Variants in CUL7 observed in about 807,000 individuals in gnomAD.
CUL7 encodes cullin 7.
A neutral mutation model predicts 177.7 loss-of-function variants in CUL7; 96 were observed. That is an observed-to-expected ratio of 0.54 (90% CI 0.46 to 0.64). The LOEUF is 0.64. Among genes scored for constraint, CUL7 ranks in the 30% least tolerant of loss-of-function variants. CUL7 has a pLI of 0.00. For missense variants in CUL7, 1,893 were observed against 2,187.9 expected (o/e 0.87, Z 2.69); for synonymous variants, 824 against 890.2 (o/e 0.93, Z 1.32).
In CUL7 at chr6:43,040,703, G is replaced by T; in HGVS notation, c.3850C>A (p.Leu1284Met). 1 of 1,614,174 alleles carries T rather than the reference G, an allele frequency of 6.2e-7. No individual in the cohort carries two copies. Among genetic ancestry groups the T allele is most frequent in the Non-Finnish European group, 8.5e-7 (1 of 1,180,050 alleles). The change falls in exon 21 of 26, where the codon CTG (leucine) becomes ATG (methionine). Residue 1284 changes from leucine to methionine, a missense_variant. Leu to Met is a conservative substitution (Grantham distance 15). Coordinates refer to ENST00000265348, the MANE Select transcript of CUL7 (RefSeq NM_014780.5). The surrounding 1 kb of genome is among the most constrained non-coding windows in gnomAD (Gnocchi z 4.2). ...ATCTGCTCCAGCACGGCCCCCTCCA[G>T]CCAGCTCGAGACCACGCCCAGGAGA... The part of the protein sequence containing the change: ...DRLLGVVSSW[L>M]EGAVLEQIGP...
In CUL7 at chr6:43,048,469, G is replaced by A. The variant is rs768119973; in HGVS notation, c.1926C>T (p.Leu642=). ...GKILLDLEQA[L]SSEGTQENKV... is the part of the protein sequence containing the mutation. The stretch of plus-strand genomic sequence containing the variant: ...TGTTCTCCTGGGTCCCCTCTGAGCT[G>A]AGGGCTTGCTCTAGATCCAGGAGGA... The change falls in exon 8 of 26, where the codon CTC becomes CTT. Residue 642 remains leucine (L), a synonymous_variant. Coordinates refer to ENST00000265348, the MANE Select transcript of CUL7 (RefSeq NM_014780.5). 8 of 1,614,018 alleles carry A rather than the reference G, an allele frequency of 5.0e-6. No homozygotes were observed. Among genetic ancestry groups the A allele is most frequent in the South Asian group, 1.1e-5 (1 of 91,080 alleles).
Position 43,043,761 on chromosome 6 carries a change from G to A in CUL7, c.3173-131C>T. 1 of 717,564 alleles carries A rather than the reference G, an allele frequency of 1.4e-6. No individual in the cohort carries two copies. Among genetic ancestry groups the A allele is most frequent in the Non-Finnish European group, 2.5e-6 (1 of 392,924 alleles). The allele number at this position is 717,564 out of a possible 1,614,324, so 44.4% of individuals were successfully genotyped here. On this transcript the variant is annotated intron_variant, in intron 16 of 25. Transcript: ENST00000265348. The surrounding 1 kb of genome is among the most constrained non-coding windows in gnomAD (Gnocchi z 4.2). ...CAAGGAAGGGGGGCCAGGTAGGGTGGTTTACGCCTGTAATCCCAGCACTTT... is the reference window on the plus strand; with the variant it reads ...CAAGGAAGGGGGGCCAGGTAGGGTGATTTACGCCTGTAATCCCAGCACTTT...
chr6:43,046,370 C>T lies in CUL7; in HGVS notation c.2526G>A (p.Glu842=). The T allele has an allele frequency of 6.2e-7, 1 of 1,614,230 alleles. No homozygotes were observed. Among genetic ancestry groups the T allele is most frequent in the Non-Finnish European group, 8.5e-7 (1 of 1,180,034 alleles). ...GCGGGTTGGAGGACACCTCCACCTTCTCCCAGCACTTGTCCTCCTTCACTT... is the reference window on the plus strand; with the variant it reads ...GCGGGTTGGAGGACACCTCCACCTTTTCCCAGCACTTGTCCTCCTTCACTT... ...SVEVKEDKCW[E]KVEVSSNPHR... is the part of the protein sequence containing the mutation. The change falls in exon 12 of 26, where the codon GAG becomes GAA. Residue 842 remains glutamate (E), a synonymous_variant. Transcript: ENST00000265348.
At position 43,048,363 on chromosome 6, in the gene CUL7, T is replaced by C. The variant is rs532372101; in HGVS notation, c.2032A>G (p.Thr678Ala). 2.5e-6 allele frequency: 4 copies of C among 1,613,356 alleles called. No homozygotes were observed. Among genetic ancestry groups the C allele is most frequent in the Non-Finnish European group, 3.4e-6 (4 of 1,179,330 alleles). Residue 678 changes from threonine to alanine, a missense_variant, in exon 8 of 26, where the codon ACT becomes GCT. Coordinates refer to ENST00000265348, the MANE Select transcript of CUL7 (RefSeq NM_014780.5). ...ACAGTCAGGTGCAGGGTCCTGTTAG[T>C]CTCCGGAGTGTCCAGGCTCTGCATC... ...ALMQSLDTPE[T>A]NRTLHLTVLR...
chr6:43,052,731 C>T lies in CUL7; in HGVS notation c.58G>A (p.Ala20Thr), dbSNP rs1379802402. The T allele has an allele frequency of 1.2e-6, 2 of 1,612,054 alleles. No individual in the cohort carries two copies. Among genetic ancestry groups the T allele is most frequent in the Non-Finnish European group, 1.7e-6 (2 of 1,180,036 alleles). Residue 20 changes from alanine (A) to threonine (T), a missense_variant, in exon 2 of 26, where the codon GCC becomes ACC. By Grantham distance (58) the Ala-to-Thr change is moderately conservative. This residue lies in a region of CUL7 where 653 missense variants were observed against 725.2 expected (regional missense o/e 0.90). Transcript: ENST00000265348. This position sits in a 1 kb window ranked among gnomAD's most constrained non-coding sequence, Gnocchi z 4.5. ...FRVPLGPGLH[A>T]YPDELIRQRV... ...TGGCGGATCAGCTCATCAGGATAGG[C>T]ATGTAAGCCGGGCCCCAGGGGCACC...
chr6:43,047,008 T>G lies in CUL7; in HGVS notation c.2269A>C (p.Lys757Gln). ...TTTCCCAGGTGCTTTTCCAGGGCCT[T>G]GGAGATAGCGTCTCTTGCTCCCAGC... Reference protein sequence around the residue: ...NQLGARDAISKALEKHLGKLE... With the variant: ...NQLGARDAISQALEKHLGKLE... The change falls in exon 10 of 26, where the codon AAG becomes CAG. Residue 757 changes from lysine (K) to glutamine (Q), a missense_variant. By Grantham distance (53) the Lys-to-Gln change is moderately conservative (BLOSUM62 1). Coordinates refer to ENST00000265348, the MANE Select transcript of CUL7 (RefSeq NM_014780.5). The G allele has an allele frequency of 6.2e-7, 1 of 1,612,356 alleles. No individual in the cohort carries two copies. The highest frequency in any genetic ancestry group is 1.1e-5 in the South Asian group (1 of 91,032).
chr6:43,042,278 T>C (rs1209422132), intron 19 of CUL7, among the ~76,000 whole-genome samples: 3 of 152,182 alleles, frequency 2.0e-5, no homozygotes, highest in South Asian at 2.1e-4. Flanking sequence ...TGCTGCTCTG[T>C]ACCCTGCTTT....
At position 43,051,825 on chromosome 6, in the gene CUL7, C is replaced by T; in HGVS notation, c.581-62G>A. On this transcript the variant is annotated intron_variant, in intron 2 of 25. Coordinates refer to ENST00000265348, the MANE Select transcript of CUL7 (RefSeq NM_014780.5). The surrounding 1 kb of genome is among the most constrained non-coding windows in gnomAD (Gnocchi z 5.0). ...TCTCACCCTTCCTAGAAATCTTAGACCCTCTACTCTTTCAATCCAATCCTT... is the reference window on the plus strand; with the variant it reads ...TCTCACCCTTCCTAGAAATCTTAGATCCTCTACTCTTTCAATCCAATCCTT... The T allele has an allele frequency of 6.3e-7, 1 of 1,578,736 alleles. No individual in the cohort carries two copies. Among genetic ancestry groups the T allele is most frequent in the Non-Finnish European group, 8.7e-7 (1 of 1,148,540 alleles).
At chr6:43,038,082 C>A in intron 25 of CUL7, 71 bp from the exon 26 acceptor site, 1 of 1,530,496 alleles carries the variant, frequency 6.5e-7, no homozygotes, top group East Asian at 2.4e-5. Context: ...AGCTTCCACT[C>A]CAACCACCAG....
chr6:43,044,794 C>T lies in CUL7; in HGVS notation c.3130G>A (p.Glu1044Lys), dbSNP rs574760894. Residue 1044 changes from glutamate (E) to lysine (K), a missense_variant, in exon 16 of 26, where the codon GAG becomes AAG. Glu to Lys is a moderately conservative substitution (Grantham distance 56, BLOSUM62 1). Coordinates refer to ENST00000265348, the MANE Select transcript of CUL7 (RefSeq NM_014780.5). ...AAQALGKTCWEALVSPVVQNI... is the reference protein window; with the variant it reads ...AAQALGKTCWKALVSPVVQNI... ...TGCACCACGGGGCTGACCAGGGCCT[C>T]CCAGCAGGTCTTGCCCAGAGCTTGG... The T allele has an allele frequency of 4.3e-6, 7 of 1,613,586 alleles. No homozygotes were observed. In the South Asian group the frequency reaches 7.7e-5, roughly 18 times the overall value.
Position 43,050,208 on chromosome 6 carries a change from G to A in CUL7, c.1373-49C>T, listed in dbSNP as rs764569056. 2 of 1,614,128 alleles carry A rather than the reference G, an allele frequency of 1.2e-6. No homozygotes were observed. The highest frequency in any genetic ancestry group is 2.2e-5 in the East Asian group (1 of 44,876). The stretch of plus-strand genomic sequence containing the variant: ...CAAGGATGTCACTAGCAACTCAGCA[G>A]GACCACCATTCCTCTGCTCAGAGCT... On this transcript the variant is annotated intron_variant, in intron 5 of 25. Coordinates refer to ENST00000265348, the MANE Select transcript of CUL7 (RefSeq NM_014780.5). This position sits in a 1 kb window ranked among gnomAD's most constrained non-coding sequence, Gnocchi z 4.1.
intron 10 of CUL7, 61 bp from the exon 11 acceptor site, chr6:43,046,662 G>C (rs557575754): frequency 6.2e-7 from 1 of 1,603,526 alleles, no homozygotes; most frequent in South Asian, 1.1e-5. Context: ...AGACACACAC[G>C]GAAACACGGA....
intron 9 of CUL7, chr6:43,047,934 T>G: frequency 1.7e-6 from 1 of 575,934 alleles, no homozygotes; most frequent in South Asian, 2.2e-5. Flanking sequence ...GAGCAAGAAT[T>G]CTCAGTGTAT....
Position 43,038,863 on chromosome 6 carries a change from C to T in CUL7, c.4419G>A (p.Leu1473=), listed in dbSNP as rs1358843733. The T allele has an allele frequency of 3.7e-6, 6 of 1,614,188 alleles. No individual in the cohort carries two copies. The highest frequency in any genetic ancestry group is 4.2e-6 in the Non-Finnish European group (5 of 1,180,032). The part of the protein sequence containing the change: ...LHVSTVQMWL[L]LYLNDLKAVS... ...CCACCTTCAGGTCGTTGAGATACAGCAGTAGCCACATCTGCACGGTGGACA... is the reference window on the plus strand; with the variant it reads ...CCACCTTCAGGTCGTTGAGATACAGTAGTAGCCACATCTGCACGGTGGACA... Residue 1473 remains leucine, a synonymous_variant, in exon 23 of 26, where the codon CTG becomes CTA. Coordinates refer to ENST00000265348, the MANE Select transcript of CUL7 (RefSeq NM_014780.5).
In CUL7 at chr6:43,051,865, T is replaced by C. The variant is rs1454477023; in HGVS notation, c.581-102A>G. ...ATCCAATCCTTTTGCCACCACACAA[T>C]GAGAAAGAACTGATTTGCTTCAAAA... is the stretch of plus-strand genomic sequence containing the variant. On this transcript the variant is annotated intron_variant, in intron 2 of 25. Coordinates refer to ENST00000265348, the MANE Select transcript of CUL7 (RefSeq NM_014780.5). The surrounding 1 kb of genome is among the most constrained non-coding windows in gnomAD (Gnocchi z 5.0). The C allele has an allele frequency of 4.1e-6, 6 of 1,451,886 alleles. No homozygotes were observed. Among genetic ancestry groups the C allele is most frequent in the Admixed American group, 1.7e-5 (1 of 59,754 alleles). The allele number at this position is 1,451,886 out of a possible 1,614,324, so 89.9% of individuals were successfully genotyped here.
Position 43,053,502 on chromosome 6 carries a change from C to T in CUL7, c.-9+120G>A, listed in dbSNP as rs564664750. 156 of 635,444 alleles carry T rather than the reference C, an allele frequency of 2.5e-4. No homozygotes were observed. The African/African-American group carries it at 2.7e-3, about 11-fold the overall frequency. The allele number at this position is 635,444 out of a possible 1,614,324, so 39.4% of individuals were successfully genotyped here. ...GTAAGGTGGGGGAGAGGGGATTAGGCCCCATAAGCTAGAACCCCGAGGCAC... is the reference window on the plus strand; with the variant it reads ...GTAAGGTGGGGGAGAGGGGATTAGGTCCCATAAGCTAGAACCCCGAGGCAC... On this transcript the variant is annotated intron_variant, in intron 1 of 25. Transcript: ENST00000265348. This position sits in a 1 kb window ranked among gnomAD's most constrained non-coding sequence, Gnocchi z 4.1.
rs751287351 is a variant in CUL7 at position 43,037,892 on chromosome 6, C to T, written c.4893G>A (p.Lys1631=). The change falls in exon 26 of 26, where the codon AAG becomes AAA. Residue 1631 remains lysine, a synonymous_variant. Coordinates refer to ENST00000265348, the MANE Select transcript of CUL7 (RefSeq NM_014780.5). ...VLSCILHLLG[K]GTLRRHDDRP... ...GGTCGTCATGGCGTCTCAGCGTGCC[C>T]TTGCCCAGGAGGTGTAGGATGCAGG... 4.3e-6 allele frequency: 7 copies of T among 1,613,578 alleles called. No homozygotes were observed. Among genetic ancestry groups the T allele is most frequent in the Non-Finnish European group, 5.9e-6 (7 of 1,179,588 alleles).
chr6:43,038,816 A>T, intron 23 of CUL7, 26 bp downstream of exon 23: 3 of 1,614,158 alleles, frequency 1.9e-6, no homozygotes, highest in Non-Finnish European at 2.5e-6. Flanking sequence ...GGGAGACAGG[A>T]GAGAGGTGCA....
Position 43,050,911 on chromosome 6 carries a change from G to C in CUL7, c.1233+57C>G. 1.2e-6 allele frequency: 2 copies of C among 1,604,092 alleles called. No homozygotes were observed. Among genetic ancestry groups the C allele is most frequent in the Non-Finnish European group, 1.7e-6 (2 of 1,176,058 alleles). ...GGAGCCCCCCCATATAGAAGTCCCA[G>C]CTCTGCCCTACCCCAAATAGACCCC... On this transcript the variant is annotated intron_variant, in intron 4 of 25. Transcript: ENST00000265348. This position sits in a 1 kb window ranked among gnomAD's most constrained non-coding sequence, Gnocchi z 4.1.
Sources: gnomAD v4.1 joint callset for allele counts (sites outside exome capture counted in the v4.1 genomes callset) on GRCh38, gnomAD v4.1.1 for gene constraint, gnomAD v4.1.1 regional missense constraint, Gnocchi (gnomAD v3.1) non-coding constraint, MANE v1.5 for transcripts, NCBI Gene and HGNC (gene_info 2026-07-23, HGNC 2026-07-21) for gene names.